The following C11orf65 variants were observed in gnomAD, a reference collection of about 807,000 sequenced individuals.
The protein encoded by C11orf65 is chromosome 11 open reading frame 65.
C11orf65 carries 38 observed loss-of-function variants against 35.3 expected under a neutral mutation model. The ratio of observed to expected loss-of-function variants is 1.08; its 90% confidence interval spans 0.83 to 1.41. The LOEUF is 1.41. C11orf65 is among the 40% of genes most tolerant of loss of function. The pLI is 0.00. For synonymous variants in C11orf65, 105 were observed against 114.4 expected, an observed-to-expected ratio of 0.92 and a Z score of 0.53; for missense variants, 370 against 367.1, an observed-to-expected ratio of 1.01 and a Z score of -0.06.
intron 7 of C11orf65, among the ~76,000 whole-genome samples, chr11:108,386,791 C>T (rs147190028): frequency 1.9e-4 from 29 of 152,210 alleles, no homozygotes; most frequent in African/African-American, 6.7e-4. Flanking sequence ...TTAGAACTGT[C>T]ACGTAATTGG....
intron 2 of C11orf65, among the ~76,000 whole-genome samples, chr11:108,374,469 C>T (rs2091664176): frequency 6.6e-6 from 1 of 152,152 alleles, no homozygotes; most frequent in Non-Finnish European, 1.5e-5. Context: ...AGGATATCCA[C>T]ACCAAAAACC....
chr11:108,417,967 T>TA (rs11342803), intron 3 of C11orf65, among the ~76,000 whole-genome samples: 2 of 147,672 alleles, frequency 1.4e-5, no homozygotes, highest in African/African-American at 2.5e-5. Flanking sequence ...TCTGATTTGT[T>TA]AAAAAAAAAA....
chr11:108,395,132 T>TAA (rs373893121), intron 6 of C11orf65, among the ~76,000 whole-genome samples: 53 of 142,166 alleles, frequency 3.7e-4, no homozygotes, highest in African/African-American at 1.3e-3. Flanking sequence ...CCTTAACTCT[T>TAA]AAAAAAAAAA....
At chr11:108,374,105 G>A (rs1241279994) in intron 2 of C11orf65, among the ~76,000 whole-genome samples, 1 of 152,192 alleles carries the variant, frequency 6.6e-6, no homozygotes, top group Non-Finnish European at 1.5e-5. Context: ...AGACTTAAAT[G>A]TCCCTGTCTG....
intron 2 of C11orf65, among the ~76,000 whole-genome samples, chr11:108,371,335 T>A (rs537030960): frequency 1.1e-4 from 16 of 152,294 alleles, no homozygotes; most frequent in African/African-American, 3.8e-4. Context: ...CTCCAGCACT[T>A]CTTTAACCTT....
At chr11:108,331,663 AT>A in intron 3 of C11orf65, 1 of 1,408,796 alleles carries the variant, frequency 7.1e-7, no homozygotes, top group Non-Finnish European at 9.5e-7. Context: ...GAAATACAAA[AT>A]TTTGTATTTT....
intron 6 of C11orf65, among the ~76,000 whole-genome samples, chr11:108,317,020 A>G (rs1338018480): frequency 6.7e-6 from 1 of 150,258 alleles, no homozygotes; most frequent in Non-Finnish European, 1.5e-5. Context: ...TGCAGCCTTG[A>G]CCTCCCTGGC....
At chr11:108,444,086 G>A (rs1426994048) in intron 2 of C11orf65, among the ~76,000 whole-genome samples, 1 of 151,992 alleles carries the variant, frequency 6.6e-6, no homozygotes, top group Non-Finnish European at 1.5e-5. Flanking sequence ...GACTAATAAA[G>A]AAGAAAAGAG....
At chr11:108,356,016 G>A (rs1361335380) in intron 2 of C11orf65, 3 of 152,174 alleles carry the variant, frequency 2.0e-5, no homozygotes, top group Non-Finnish European at 4.4e-5. Context: ...CCAAGGCTGT[G>A]CTATTCCCAA....
At chr11:108,348,509 C>T (rs1348046949) in intron 2 of C11orf65, among the ~76,000 whole-genome samples, 2 of 151,196 alleles carry the variant, frequency 1.3e-5, no homozygotes, top group Non-Finnish European at 3.0e-5. Flanking sequence ...TAGTTTTGCT[C>T]ATTATTTTGA....
chr11:108,317,634 TATATATATATATATATATACACAC>T, intron 6 of C11orf65: 2 of 175,182 alleles, frequency 1.1e-5, no homozygotes, highest in African/African-American at 7.1e-5. Context: ...TATATATATA[TATATATATATATATATATACACAC>T]ACACACACAC....
chr11:108,373,099 AAG>A lies in C11orf65; in HGVS notation c.226+20107_226+20108del, dbSNP rs2091615901. Among the ~76,000 whole-genome samples, 7 of 152,280 alleles carry A rather than the reference AAG, an allele frequency of 4.6e-5. No individual in the cohort carries two copies. In the South Asian group the frequency reaches 1.5e-3, roughly 32 times the overall value. On this transcript the variant is annotated intron_variant, in intron 2 of 3. Transcript: ENST00000524755. ...CTCATAAAAAAAAAAAATTAAAAGAAAGAAAACTAAAGACCAATATCCTCCAT... is the reference window on the plus strand; with the variant it reads ...CTCATAAAAAAAAAAAATTAAAAGAAAAAACTAAAGACCAATATCCTCCAT...
chr11:108,380,240 A>G (rs142877098), downstream of C11orf65, among the ~76,000 whole-genome samples: 89 of 152,338 alleles, frequency 5.8e-4, 1 homozygote, highest in African/African-American at 1.9e-3. Context: ...CCTAAAGAAC[A>G]GTGCTAAGGG....
At chr11:108,387,812 G>A (rs554915572) in intron 7 of C11orf65, among the ~76,000 whole-genome samples, 3 of 152,338 alleles carry the variant, frequency 2.0e-5, no homozygotes, top group Admixed American at 2.0e-4. Flanking sequence ...ATAGGCGTGA[G>A]CCACTGCACT....
chr11:108,363,844 C>T (rs995630448), intron 2 of C11orf65, among the ~76,000 whole-genome samples: 3 of 152,208 alleles, frequency 2.0e-5, no homozygotes, highest in Admixed American at 1.3e-4. Context: ...TTAGATTTTT[C>T]TTCTACTTCA....
chr11:108,385,614 G>A (rs1178132183), intron 8 of C11orf65, among the ~76,000 whole-genome samples: 5 of 151,838 alleles, frequency 3.3e-5, no homozygotes, highest in East Asian at 1.9e-4. Flanking sequence ...CCTGGGAGGC[G>A]GAGCTTGCAG....
At chr11:108,350,349 AG>A (rs1488045995) in intron 2 of C11orf65, among the ~76,000 whole-genome samples, 1 of 152,208 alleles carries the variant, frequency 6.6e-6, no homozygotes, top group Non-Finnish European at 1.5e-5. Flanking sequence ...GGGAAAGAAG[AG>A]GGCTAATAAA....
chr11:108,416,981 A>G (rs1405274098), intron 3 of C11orf65, among the ~76,000 whole-genome samples: 3 of 152,214 alleles, frequency 2.0e-5, no homozygotes, highest in Non-Finnish European at 4.4e-5. Flanking sequence ...AAATCTATAT[A>G]TGATTTCATA....
chr11:108,354,900 T>C (rs1565582836), intron 2 of C11orf65: 3 of 1,589,510 alleles, frequency 1.9e-6, no homozygotes, highest in South Asian at 2.2e-5. Flanking sequence ...AGGAAGACTT[T>C]ATTTTTTTTC....
Sources: gnomAD v4.1 joint callset for allele counts (sites outside exome capture counted in the v4.1 genomes callset) on GRCh38, gnomAD v4.1.1 for gene constraint, MANE v1.5 for transcripts, NCBI Gene and HGNC (gene_info 2026-07-23, HGNC 2026-07-21) for gene names.